The following RBFOX1 variants were observed in gnomAD, a reference collection of about 807,000 sequenced individuals.
RBFOX1 encodes the protein RNA binding protein fox-1 homolog 1.
A neutral mutation model predicts 57.7 loss-of-function variants in RBFOX1; 8 were observed. The observed-to-expected ratio is 0.14, with a 90% CI of 0.08 to 0.25. The LOEUF is 0.25. Ranked by LOEUF, RBFOX1 falls within the 10% of genes least tolerant of loss-of-function variation. The probability of loss-of-function intolerance (pLI) is 1.00; values close to 1 mark genes in which losing one functional copy is unlikely to be tolerated. For synonymous variants in RBFOX1, 326 were observed against 222.4 expected (o/e 1.47, Z -4.15); for missense variants, 611 against 548.5 (o/e 1.11, Z -1.14).
intron 4 of RBFOX1, among the ~76,000 whole-genome samples, chr16:6,008,871 C>T (rs1335545547): frequency 6.6e-6 from 1 of 152,154 alleles, no homozygotes; most frequent in Non-Finnish European, 1.5e-5. Context: ...TAATGGCAAG[C>T]AAGCTCGTCT....
chr16:5,908,215 TA>T (rs2058519072), intron 4 of RBFOX1, among the ~76,000 whole-genome samples: 1 of 145,908 alleles, frequency 6.9e-6, no homozygotes, highest in African/African-American at 2.6e-5. Flanking sequence ...CACATATATA[TA>T]CATATATACA....
chr16:5,416,591 C>T (rs146106648), intron 1 of RBFOX1, among the ~76,000 whole-genome samples: 12 of 152,084 alleles, frequency 7.9e-5, no homozygotes, highest in Admixed American at 7.9e-4. Flanking sequence ...TTTCTTATGG[C>T]ACTTTAAAGA....
intron 3 of RBFOX1, among the ~76,000 whole-genome samples, chr16:5,750,007 T>A (rs1224799120): frequency 6.6e-6 from 1 of 152,218 alleles, no homozygotes; most frequent in East Asian, 1.9e-4. Context: ...TTATGTACCT[T>A]TGGTCTTTTA....
intron 3 of RBFOX1, among the ~76,000 whole-genome samples, chr16:5,709,843 ATTTTTTTTTTTTTTT>A (rs35733374): frequency 6.3e-3 from 77 of 12,268 alleles, no homozygotes; most frequent in Non-Finnish European, 7.8e-3. Context: ...ATATATATAT[ATTTTTTTTTTTTTTT>A]TTTTTTTTTT....
intron 2 of RBFOX1, among the ~76,000 whole-genome samples, chr16:6,330,472 G>T (rs1217579652): frequency 1.3e-5 from 2 of 152,162 alleles, no homozygotes; most frequent in African/African-American, 4.8e-5. Context: ...ATGGTGAAAG[G>T]TGAGGAATCA....
chr16:7,067,739 T>G (rs1291767113), intron 4 of RBFOX1, among the ~76,000 whole-genome samples: 1 of 132,800 alleles, frequency 7.5e-6, no homozygotes, highest in African/African-American at 2.8e-5. Flanking sequence ...CCTGTGTCCA[T>G]GTGTTCTCAT....
intron 10 of RBFOX1, among the ~76,000 whole-genome samples, chr16:7,611,573 C>G (rs1478788259): frequency 6.9e-6 from 1 of 144,724 alleles, no homozygotes; most frequent in Non-Finnish European, 1.5e-5. Flanking sequence ...GAGCAAAACT[C>G]TGTCTCAAAA....
chr16:6,561,123 T>G (rs1263287520), intron 2 of RBFOX1, among the ~76,000 whole-genome samples: 2 of 152,156 alleles, frequency 1.3e-5, no homozygotes, highest in Non-Finnish European at 1.5e-5. Context: ...ACTTTGATAT[T>G]TGTAACAAAA....
intron 3 of RBFOX1, among the ~76,000 whole-genome samples, chr16:7,033,530 A>T (rs2043371017): frequency 6.6e-6 from 1 of 152,144 alleles, no homozygotes; most frequent in African/African-American, 2.4e-5. Flanking sequence ...AAAAACTGAA[A>T]ACAATGGTGA....
intron 1 of RBFOX1, among the ~76,000 whole-genome samples, chr16:6,060,469 C>A (rs754998421): frequency 6.6e-4 from 100 of 152,114 alleles, no homozygotes; most frequent in Non-Finnish European, 7.3e-4. Context: ...CCTACAATAA[C>A]CTTATGAGAC....
intron 1 of RBFOX1, among the ~76,000 whole-genome samples, chr16:6,102,896 T>G (rs890376777): frequency 2.6e-5 from 4 of 152,076 alleles, no homozygotes; most frequent in African/African-American, 9.7e-5. Flanking sequence ...CATTTGGGGT[T>G]TTTTTTAGAA....
intron 4 of RBFOX1, among the ~76,000 whole-genome samples, chr16:7,461,237 G>A (rs537040237): frequency 1.3e-5 from 2 of 151,370 alleles, no homozygotes; most frequent in African/African-American, 4.9e-5. Flanking sequence ...GCACTATCTC[G>A]GCTCACTGCA....
chr16:6,188,716 A>T (rs2097123389), intron 1 of RBFOX1, among the ~76,000 whole-genome samples: 1 of 152,208 alleles, frequency 6.6e-6, no homozygotes, highest in Non-Finnish European at 1.5e-5. Flanking sequence ...AATGAAGTGG[A>T]GGCGAAAAAA....
chr16:6,780,025 T>A (rs868106403), intron 3 of RBFOX1, among the ~76,000 whole-genome samples: 10 of 14,134 alleles, frequency 7.1e-4, no homozygotes, highest in Non-Finnish European at 8.1e-4. Flanking sequence ...ATTTATATAT[T>A]TATATATATT....
At chr16:6,660,145 A>T (rs1424948535) in intron 3 of RBFOX1, among the ~76,000 whole-genome samples, 2 of 151,544 alleles carry the variant, frequency 1.3e-5, no homozygotes, top group Non-Finnish European at 2.9e-5. Flanking sequence ...AATTGCTTGA[A>T]CCTGGGAGGC....
chr16:6,973,561 T>G (rs1032104606), intron 3 of RBFOX1, among the ~76,000 whole-genome samples: 1 of 152,212 alleles, frequency 6.6e-6, no homozygotes, highest in African/African-American at 2.4e-5. Context: ...AGAGTCTGTT[T>G]ATTTCTTTCT....
At chr16:5,824,068 C>A (rs1470838329) in intron 3 of RBFOX1, among the ~76,000 whole-genome samples, 1 of 152,188 alleles carries the variant, frequency 6.6e-6, no homozygotes, top group Non-Finnish European at 1.5e-5. Context: ...GATATTGTGA[C>A]TTACTAGTGA....
At chr16:7,438,924 G>T (rs910807204) in intron 4 of RBFOX1, among the ~76,000 whole-genome samples, 2 of 152,122 alleles carry the variant, frequency 1.3e-5, no homozygotes, top group African/African-American at 4.8e-5. Context: ...ATGTGTCCCT[G>T]GGAATAAAAA....
At chr16:7,250,937 T>A (rs987783357) in intron 4 of RBFOX1, among the ~76,000 whole-genome samples, 1 of 152,214 alleles carries the variant, frequency 6.6e-6, no homozygotes, top group African/African-American at 2.4e-5. Context: ...CATGACGTTT[T>A]GAAATATGTA....
Sources: gnomAD v4.1 joint callset for allele counts (sites outside exome capture counted in the v4.1 genomes callset) on GRCh38, gnomAD v4.1.1 for gene constraint, MANE v1.5 for transcripts, NCBI Gene and HGNC (gene_info 2026-07-23, HGNC 2026-07-21) for gene names.